Variants in SLC22A14 observed in about 807,000 individuals in gnomAD.
The protein encoded by SLC22A14 is organic cation transporter-like 4.
Under a neutral mutation model 53.9 loss-of-function variants are expected in SLC22A14, and 50 were observed. That is an observed-to-expected ratio of 0.93 (90% CI 0.74 to 1.17). The LOEUF is 1.17. Among genes scored for constraint, SLC22A14 ranks in the 50% most tolerant of loss-of-function variants. The pLI is 0.00. For missense variants in SLC22A14, 671 were observed against 734.7 expected (o/e 0.91, Z 1.00); for synonymous variants, 312 against 303.0 (o/e 1.03, Z -0.31).
intron 9 of SLC22A14, 134 bp downstream of exon 9, chr3:38,315,845 A>C: frequency 2.7e-4 from 248 of 921,128 alleles, no homozygotes; most frequent in Non-Finnish European, 3.6e-4. Flanking sequence ...AAGTGATCTC[A>C]TTTAAACACC....
rs1305030584 is a variant in SLC22A14, at chr3:38,313,029, G to A, written c.975G>A (p.Met325Ile). 2 of 1,590,736 alleles carry A rather than the reference G, an allele frequency of 1.3e-6. No homozygotes were observed. The highest frequency in any genetic ancestry group is 2.3e-5 in the East Asian group (1 of 44,124). Residue 325 changes from methionine to isoleucine, a missense_variant, in exon 6 of 11, where the codon ATG becomes ATA. Physicochemically the swap from Met to Ile is conservative, Grantham distance 10. Transcript: ENST00000448498. ...TCCCGGAGTCCCCGCGGTGGCTGAT[G>A]ATGAAAGGGAAGGTGAAGGAGGCCA... ...WILPESPRWL[M>I]MKGKVKEAKQ...
Position 38,318,574 on chromosome 3 carries a change from G to C in SLC22A14, c.*325G>C, listed in dbSNP as rs968022755. ...CCAATAAAGGTACAATGTTGGTCTT[G>C]AGATGGCTGGGTCAAAGTTGCCCAT... On this transcript the variant is annotated 3_prime_UTR_variant, in exon 11 of 11. Coordinates refer to ENST00000448498, the MANE Select transcript of SLC22A14 (RefSeq NM_001320033.2). 3.4e-5 allele frequency: 9 copies of C among 266,620 alleles called. No individual in the cohort carries two copies. The highest frequency in any genetic ancestry group is 2.0e-4 in the African/African-American group (9 of 45,906). The allele number at this position is 266,620 out of a possible 1,614,324, so 16.5% of individuals were successfully genotyped here. A position where few individuals can be genotyped will look rare whatever the true frequency, so the allele number is the denominator to read the frequency against.
At chr3:38,308,062 C>A in intron 4 of SLC22A14, 3 of 294,918 alleles carry the variant, frequency 1.0e-5, no homozygotes, top group Non-Finnish European at 1.9e-5. Flanking sequence ...ATACTCTTTG[C>A]ATACCCCCAA....
In SLC22A14 at chr3:38,307,384, C is replaced by T. The variant is rs775088949; in HGVS notation, c.620+27C>T. ...TGAGTCCCCGGGAGTTTCTGCTGGT[C>T]CCCGAGCCATCCCAACTCCTCCTCA... On this transcript the variant is annotated intron_variant, in intron 3 of 10. Coordinates refer to ENST00000448498, the MANE Select transcript of SLC22A14 (RefSeq NM_001320033.2). This position sits in a 1 kb window ranked among gnomAD's most constrained non-coding sequence, Gnocchi z 4.4. The T allele has an allele frequency of 8.2e-6, 13 of 1,581,990 alleles. No individual in the cohort carries two copies. Among genetic ancestry groups the T allele is most frequent in the East Asian group, 6.7e-5 (3 of 44,746 alleles).
chr3:38,318,452 G>A lies in SLC22A14; in HGVS notation c.*203G>A. On this transcript the variant is annotated 3_prime_UTR_variant, in exon 11 of 11. Transcript: ENST00000448498. ...TTCCAGGCCACAAATTCCAGGCCTA[G>A]TTCAGTCTGGGGGCAGGGTCAGTCC... is the stretch of plus-strand genomic sequence containing the variant. The A allele has an allele frequency of 1.7e-6, 1 of 585,116 alleles. No homozygotes were observed. Among genetic ancestry groups the A allele is most frequent in the Non-Finnish European group, 3.1e-6 (1 of 324,240 alleles). 36.2% of individuals were successfully genotyped at this position (585,116 alleles called of 1,614,324 possible).
chr3:38,287,948 C>CA (rs2125871083), intron 1 of SLC22A14, among the ~76,000 whole-genome samples: 1 of 152,268 alleles, frequency 6.6e-6, no homozygotes, highest in African/African-American at 2.4e-5. Context: ...ATATACACAA[C>CA]ACAAAATTTA....
At position 38,313,066 on chromosome 3, in the gene SLC22A14, TG is replaced by T; in HGVS notation, c.1013del (p.Cys338SerfsTer6). 6.2e-7 allele frequency: 1 copy of T among 1,603,024 alleles called. No individual in the cohort carries two copies. Among genetic ancestry groups the T allele is most frequent in the Non-Finnish European group, 8.5e-7 (1 of 1,175,388 alleles). On this transcript the variant is annotated frameshift_variant, in exon 6 of 11. Coordinates refer to ENST00000448498, the MANE Select transcript of SLC22A14 (RefSeq NM_001320033.2). LOFTEE classifies it high-confidence loss of function. Reference protein sequence around the residue: ...GKVKEAKQVLCYAASVNKKTI... With the variant: ...GKVKEAKQVLXYAASVNKKTI... ...GGTGAAGGAGGCCAAGCAGGTGCTG[TG>T]CTACGCCGCAAGTGTGAACAAGAAG...
intron 1 of SLC22A14, among the ~76,000 whole-genome samples, chr3:38,296,447 T>C (rs375720716): frequency 1.3e-5 from 2 of 152,344 alleles, no homozygotes; most frequent in African/African-American, 4.8e-5. Flanking sequence ...AGGTACCTGG[T>C]ATTTTCCTCC....
rs1704391592 is a variant in SLC22A14, at chr3:38,308,974, G to A, written c.796G>A (p.Glu266Lys). The change falls in exon 5 of 11, where the codon GAG becomes AAG. Residue 266 changes from glutamate to lysine, a missense_variant. Transcript: ENST00000448498. ...CACAGCCACTGAGTGGTTAGTGGGTGAGCACCGGGCCCATGCCATTATCCT... is the reference window on the plus strand; with the variant it reads ...CACAGCCACTGAGTGGTTAGTGGGTAAGCACCGGGCCCATGCCATTATCCT... The part of the protein sequence containing the change: ...ISLATEWLVG[E>K]HRAHAIILGH... 3.1e-6 allele frequency: 5 copies of A among 1,614,128 alleles called. No homozygotes were observed. Among genetic ancestry groups the A allele is most frequent in the Non-Finnish European group, 4.2e-6 (5 of 1,179,956 alleles).
intron 1 of SLC22A14, among the ~76,000 whole-genome samples, chr3:38,293,395 C>T (rs1488368454): frequency 6.6e-6 from 1 of 152,156 alleles, no homozygotes; most frequent in Non-Finnish European, 1.5e-5. Flanking sequence ...CCCATTCCAC[C>T]TGCTTCTCCT....
In SLC22A14 at chr3:38,308,981, G is replaced by A. The variant is rs756231072; in HGVS notation, c.803G>A (p.Arg268Gln). The change falls in exon 5 of 11, where the codon CGG becomes CAG. Residue 268 changes from arginine (R) to glutamine (Q), a missense_variant. Transcript: ENST00000448498. The part of the protein sequence containing the change: ...LATEWLVGEH[R>Q]AHAIILGHCF... ...ACTGAGTGGTTAGTGGGTGAGCACCGGGCCCATGCCATTATCCTGGGACAC... is the reference window on the plus strand; with the variant it reads ...ACTGAGTGGTTAGTGGGTGAGCACCAGGCCCATGCCATTATCCTGGGACAC... 19 of 1,614,012 alleles carry A rather than the reference G, an allele frequency of 1.2e-5. No homozygotes were observed. The Middle Eastern group carries it at 4.9e-4, about 42-fold the overall frequency.
Position 38,318,471 on chromosome 3 carries a change from T to C in SLC22A14, c.*222T>C. Reference sequence around the variant, plus strand: ...GGCCTAGTTCAGTCTGGGGGCAGGGTCAGTCCTTCTCCCAGGCCAGCCCTT... The same window carrying C: ...GGCCTAGTTCAGTCTGGGGGCAGGGCCAGTCCTTCTCCCAGGCCAGCCCTT... On this transcript the variant is annotated 3_prime_UTR_variant, in exon 11 of 11. Transcript: ENST00000448498. The C allele has an allele frequency of 1.9e-6, 1 of 536,490 alleles. No homozygotes were observed. 33.2% of individuals were successfully genotyped at this position (536,490 alleles called of 1,614,324 possible).
chr3:38,293,646 T>C (rs1243256869), intron 1 of SLC22A14, among the ~76,000 whole-genome samples: 2 of 152,228 alleles, frequency 1.3e-5, no homozygotes, highest in African/African-American at 2.4e-5. Context: ...TGTGTTACAG[T>C]GGACATCATT....
At chr3:38,293,956 G>A (rs1399430973) in intron 1 of SLC22A14, among the ~76,000 whole-genome samples, 1 of 152,172 alleles carries the variant, frequency 6.6e-6, no homozygotes, top group African/African-American at 2.4e-5. Context: ...TCAAAGGATT[G>A]TCCTAACCCT....
In SLC22A14 at chr3:38,284,671, C is replaced by T. The variant is rs570913155; in HGVS notation, c.-1+2332C>T. Among the ~76,000 whole-genome samples the T allele has an allele frequency of 4.5e-4, 68 of 152,016 alleles. 1 individual carries two copies. The highest frequency in any genetic ancestry group is 1.6e-3 in the African/African-American group (67 of 41,442). The stretch of plus-strand genomic sequence containing the variant: ...GTTCCCGTGAGACGAAGGACCAGAG[C>T]GTAGGAAATGTGAGAATACATGGAA... On this transcript the variant is annotated intron_variant, in intron 1 of 10. Coordinates refer to ENST00000448498, the MANE Select transcript of SLC22A14 (RefSeq NM_001320033.2).
chr3:38,307,802 AG>A lies in SLC22A14; in HGVS notation c.775+87del, dbSNP rs1392991034. 3 of 1,503,204 alleles carry A rather than the reference AG, an allele frequency of 2.0e-6. No homozygotes were observed. The highest frequency in any genetic ancestry group is 2.7e-6 in the Non-Finnish European group (3 of 1,094,524). 93.1% of individuals were successfully genotyped at this position (1,503,204 alleles called of 1,614,324 possible). On this transcript the variant is annotated intron_variant, in intron 4 of 10. Transcript: ENST00000448498. The surrounding 1 kb of genome is among the most constrained non-coding windows in gnomAD (Gnocchi z 4.4). ...GCGGGTGACAAGGGGACATAGTGGC[AG>A]GGGGCGTGGCGGCATAGGCAGATGG...
intron 1 of SLC22A14, among the ~76,000 whole-genome samples, chr3:38,287,224 A>G (rs1703814192): frequency 6.6e-6 from 1 of 152,150 alleles, no homozygotes; most frequent in Non-Finnish European, 1.5e-5. Flanking sequence ...AAATTTGGCA[A>G]GTTTAATATT....
At chr3:38,306,611 A>G in intron 2 of SLC22A14, 69 bp downstream of exon 2, 1 of 1,416,692 alleles carries the variant, frequency 7.1e-7, no homozygotes, top group Non-Finnish European at 9.7e-7. Context: ...CCCTCACTGA[A>G]TGGGTGGGGA....
At position 38,316,441 on chromosome 3, in the gene SLC22A14, C is replaced by G; in HGVS notation, c.1650C>G (p.Ile550Met). 1 of 1,614,138 alleles carries G rather than the reference C, an allele frequency of 6.2e-7. No homozygotes were observed. The highest frequency in any genetic ancestry group is 8.5e-7 in the Non-Finnish European group (1 of 1,179,974). ...TCTTTCTCTGCTGCGTCTTAGCCATCGTGGCCTTTTCCCTCTCCTCCCTGC... is the reference window on the plus strand; with the variant it reads ...TCTTTCTCTGCTGCGTCTTAGCCATGGTGGCCTTTTCCCTCTCCTCCCTGC... ...LPIFLCCVLA[I>M]VAFSLSSLLP... Residue 550 changes from isoleucine to methionine, a missense_variant, in exon 10 of 11, where the codon ATC (isoleucine) becomes ATG (methionine). Transcript: ENST00000448498.
Sources: gnomAD v4.1 joint callset for allele counts (sites outside exome capture counted in the v4.1 genomes callset) on GRCh38, gnomAD v4.1.1 for gene constraint, Gnocchi (gnomAD v3.1) non-coding constraint, MANE v1.5 for transcripts, NCBI Gene and HGNC (gene_info 2026-07-23, HGNC 2026-07-21) for gene names.